PRCC: variants seen among roughly 807,000 people sequenced by gnomAD.
The protein encoded by PRCC is proline rich mitotic checkpoint control factor, also known as proline-rich protein PRCC.
A neutral mutation model predicts 44.0 loss-of-function variants in PRCC; 10 were observed. The ratio of observed to expected loss-of-function variants is 0.23; its 90% CI spans 0.14 to 0.39. The LOEUF is 0.39. Ranked by LOEUF, PRCC falls within the 10% of genes least tolerant of loss-of-function variation. The probability of loss-of-function intolerance (pLI) is 1.00; values close to 1 mark genes in which losing one functional copy is unlikely to be tolerated. For missense variants in PRCC, 573 were observed against 624.7 expected (o/e 0.92, Z 0.88); for synonymous variants, 278 against 259.5 (o/e 1.07, Z -0.69).
At position 156,793,839 on chromosome 1, in the gene PRCC, G is replaced by C. The variant is rs114895686; in HGVS notation, c.1180-826G>C. The stretch of plus-strand genomic sequence containing the variant: ...GATGGGGTCTCACTTTATTGCCCAG[G>C]CTTGTCTCAAACTTCTGGGCTCAAG... On this transcript the variant is annotated intron_variant, in intron 4 of 6. Transcript: ENST00000271526. 4.8e-3 allele frequency among the ~76,000 whole-genome samples: 735 copies of C among 151,644 alleles called. 7 individuals carry two copies. Among genetic ancestry groups the C allele is most frequent in the African/African-American group, 0.017 (691 of 41,340 alleles).
At chr1:156,790,430 C>G (rs546665060) in intron 3 of PRCC, among the ~76,000 whole-genome samples, 5 of 152,166 alleles carry the variant, frequency 3.3e-5, no homozygotes, top group Non-Finnish European at 7.3e-5. Context: ...CAAGACCAGC[C>G]TGACCAATAT....
At chr1:156,775,802 C>A (rs915521539) in intron 1 of PRCC, among the ~76,000 whole-genome samples, 2 of 152,118 alleles carry the variant, frequency 1.3e-5, no homozygotes, top group Non-Finnish European at 2.9e-5. Flanking sequence ...AGCCACCGCA[C>A]CCGGCTAATT....
intron 1 of PRCC, among the ~76,000 whole-genome samples, chr1:156,779,114 ATATATATATATATATTTTTTTTTTTTTT>A (rs1651937164): frequency 5.8e-5 from 1 of 17,266 alleles, no homozygotes; most frequent in Non-Finnish European, 1.0e-4. Flanking sequence ...ATATATATAT[ATATATATATATATATTTTTTTTTTTTTT>A]TTTTTTTTTT....
At chr1:156,778,090 GTATAA>G (rs1205889729) in intron 1 of PRCC, among the ~76,000 whole-genome samples, 2 of 152,036 alleles carry the variant, frequency 1.3e-5, no homozygotes, top group African/African-American at 4.8e-5. Context: ...ATTTTGAAAT[GTATAA>G]TACACTATTA....
chr1:156,794,657 T>G lies in PRCC; in HGVS notation c.1180-8T>G, dbSNP rs1386464351. The G allele has an allele frequency of 1.2e-6, 2 of 1,613,904 alleles. No homozygotes were observed. Among genetic ancestry groups the G allele is most frequent in the Non-Finnish European group, 1.7e-6 (2 of 1,179,940 alleles). ...GATTCCTGACTCCTGCATTTTTTTC[T>G]TTTCCAGTTTAAGCGGCTGCAGGGC... On this transcript the variant is annotated splice_polypyrimidine_tract_variant and splice_region_variant and intron_variant, in intron 4 of 6. Coordinates refer to ENST00000271526, the MANE Select transcript of PRCC (RefSeq NM_005973.5).
At position 156,767,813 on chromosome 1, in the gene PRCC, G is replaced by C; in HGVS notation, c.42G>C (p.Pro14=). ...ACGCCAGCAGCGATGAGAGCGAGCC[G>C]GATGAGGCTGAGCCCGAGCCGGAGG... ...VAYASSDESE[P]DEAEPEPEEE... Residue 14 remains proline (P), a synonymous_variant, in exon 1 of 7, where the codon CCG becomes CCC. Coordinates refer to ENST00000271526, the MANE Select transcript of PRCC (RefSeq NM_005973.5). The C allele has an allele frequency of 3.7e-6, 6 of 1,610,010 alleles. No individual in the cohort carries two copies. Among genetic ancestry groups the C allele is most frequent in the Non-Finnish European group, 5.1e-6 (6 of 1,179,042 alleles).
chr1:156,792,374 A>G (rs934575727), intron 4 of PRCC, among the ~76,000 whole-genome samples: 1 of 152,130 alleles, frequency 6.6e-6, no homozygotes, highest in Non-Finnish European at 1.5e-5. Context: ...AAAGTTCCTA[A>G]GAGCACGTCC....
chr1:156,792,776 G>C (rs948269075), intron 4 of PRCC, among the ~76,000 whole-genome samples: 3 of 152,126 alleles, frequency 2.0e-5, no homozygotes, highest in Non-Finnish European at 2.9e-5. Flanking sequence ...GTTGTAAGGG[G>C]GTCTAGGAAA....
At chr1:156,769,802 A>G (rs1651560617) in intron 1 of PRCC, among the ~76,000 whole-genome samples, 1 of 151,944 alleles carries the variant, frequency 6.6e-6, no homozygotes, top group Non-Finnish European at 1.5e-5. Flanking sequence ...GGGTTTCACC[A>G]TGTTAGCCAG....
chr1:156,773,190 G>C (rs1416899215), intron 1 of PRCC, among the ~76,000 whole-genome samples: 7 of 152,234 alleles, frequency 4.6e-5, no homozygotes, highest in African/African-American at 1.7e-4. Context: ...CTGTTCTTGG[G>C]TTCTTATTTC....
Position 156,800,566 on chromosome 1 carries a change from C to A in PRCC, c.*106C>A. 1 of 1,169,020 alleles carries A rather than the reference C, an allele frequency of 8.6e-7. No homozygotes were observed. Among genetic ancestry groups the A allele is most frequent in the Non-Finnish European group, 1.3e-6 (1 of 787,730 alleles). 72.4% of individuals were successfully genotyped at this position (1,169,020 alleles called of 1,614,324 possible). A position where few individuals can be genotyped will look rare whatever the true frequency, so the allele number is the denominator to read the frequency against. Reference sequence around the variant, plus strand: ...GCTCTAAGCCCAGGATCTCTTTCCCCAAGGACCCAGCCCTCGCCTCTGCGA... The same window carrying A: ...GCTCTAAGCCCAGGATCTCTTTCCCAAAGGACCCAGCCCTCGCCTCTGCGA... On this transcript the variant is annotated 3_prime_UTR_variant, in exon 7 of 7. Coordinates refer to ENST00000271526, the MANE Select transcript of PRCC (RefSeq NM_005973.5).
intron 1 of PRCC, among the ~76,000 whole-genome samples, chr1:156,776,469 T>G (rs889217461): frequency 2.8e-4 from 27 of 98,070 alleles, no homozygotes; most frequent in Non-Finnish European, 1.4e-4. Flanking sequence ...TTTATAGAGG[T>G]TTTTTTTTTG....
rs779119650 is a variant in PRCC at position 156,767,798 on chromosome 1, C to T, written c.27C>T (p.Ser9=). The T allele has an allele frequency of 3.9e-5, 62 of 1,608,198 alleles. No homozygotes were observed. Among genetic ancestry groups the T allele is most frequent in the Non-Finnish European group, 4.8e-5 (56 of 1,178,430 alleles). MSLVAYAS[S]DESEPDEAEP... is the part of the protein sequence containing the mutation. ...TGTCGCTGGTTGCTTACGCCAGCAG[C>T]GATGAGAGCGAGCCGGATGAGGCTG... Residue 9 remains serine (S), a synonymous_variant, in exon 1 of 7, where the codon AGC becomes AGT. Transcript: ENST00000271526.
At position 156,767,653 on chromosome 1, in the gene PRCC, C is replaced by A; in HGVS notation, c.-119C>A. ...CCGGGGCTAGCCCTAGAGTACGGAG[C>A]AGGCGGACTTTTCGGTTCCCCGCCC... is the stretch of plus-strand genomic sequence containing the variant. On this transcript the variant is annotated 5_prime_UTR_variant, in exon 1 of 7. Coordinates refer to ENST00000271526, the MANE Select transcript of PRCC (RefSeq NM_005973.5). The A allele has an allele frequency of 1.0e-6, 1 of 993,444 alleles. No individual in the cohort carries two copies. Among genetic ancestry groups the A allele is most frequent in the South Asian group, 1.7e-5 (1 of 58,458 alleles). The allele number at this position is 993,444 out of a possible 1,614,324, so 61.5% of individuals were successfully genotyped here. A position where few individuals can be genotyped will look rare whatever the true frequency, so the allele number is the denominator to read the frequency against.
intron 1 of PRCC, among the ~76,000 whole-genome samples, chr1:156,775,153 CAGG>C (rs377571013): frequency 0.033 from 5,006 of 151,620 alleles, 273 homozygotes; most frequent in African/African-American, 0.12. Flanking sequence ...GAGGCTGAGG[CAGG>C]AGAATGGTGT....
chr1:156,793,600 C>G (rs1327818121), intron 4 of PRCC, among the ~76,000 whole-genome samples: 1 of 151,838 alleles, frequency 6.6e-6, no homozygotes, highest in African/African-American at 2.4e-5. Context: ...TCTCTAATGT[C>G]CACTCTGGTG....
intron 2 of PRCC, among the ~76,000 whole-genome samples, chr1:156,782,839 G>A (rs2102761969): frequency 6.6e-6 from 1 of 152,248 alleles, no homozygotes; most frequent in East Asian, 1.9e-4. Flanking sequence ...GGAAACTGAG[G>A]AACTTGCCCA....
rs1652810171 is a variant in PRCC, at chr1:156,800,798, A to G, written c.*338A>G. ...AAACCAGGGATGTCTGTTGAAATAA[A>G]ACATTCAGTCTGACAAACATTGCCT... On this transcript the variant is annotated 3_prime_UTR_variant, in exon 7 of 7. Coordinates refer to ENST00000271526, the MANE Select transcript of PRCC (RefSeq NM_005973.5). The G allele has an allele frequency of 3.6e-6, 1 of 275,532 alleles. No individual in the cohort carries two copies. 17.1% of individuals were successfully genotyped at this position (275,532 alleles called of 1,614,324 possible).
chr1:156,791,287 C>A, intron 3 of PRCC: 1 of 662,942 alleles, frequency 1.5e-6, no homozygotes. Context: ...AATGGCATGA[C>A]GTATACCTTC....
Sources: gnomAD v4.1 joint callset for allele counts (sites outside exome capture counted in the v4.1 genomes callset) on GRCh38, gnomAD v4.1.1 for gene constraint, MANE v1.5 for transcripts, NCBI Gene and HGNC (gene_info 2026-07-23, HGNC 2026-07-21) for gene names.